Variants in CABIN1 observed in about 807,000 individuals in gnomAD.
The protein encoded by CABIN1 is calcineurin-binding protein cabin-1.
CABIN1 carries 133 observed loss-of-function variants against 227.7 expected under a neutral mutation model. The observed-to-expected ratio is 0.58, with a 90% CI of 0.51 to 0.67. The LOEUF is 0.67. CABIN1 is among the 30% of genes least tolerant of loss of function. The pLI is 0.00. For synonymous variants in CABIN1, 1,086 were observed against 1,155.1 expected (o/e 0.94, Z 1.21); for missense variants, 2,408 against 2,852.5 (o/e 0.84, Z 3.55).
intron 24 of CABIN1, among the ~76,000 whole-genome samples, chr22:24,095,215 C>T (rs937842745): frequency 2.0e-5 from 3 of 152,264 alleles, no homozygotes; most frequent in African/African-American, 7.2e-5. Context: ...CCTCATACCA[C>T]CCACTGTGCC....
intron 19 of CABIN1, among the ~76,000 whole-genome samples, chr22:24,077,896 G>A (rs2040550031): frequency 6.6e-6 from 1 of 152,222 alleles, no homozygotes; most frequent in African/African-American, 2.4e-5. Flanking sequence ...TTCTACTGGA[G>A]CATGAATTCT....
At chr22:24,055,244 C>T in intron 9 of CABIN1, 85 bp downstream of exon 9, 1 of 1,474,228 alleles carries the variant, frequency 6.8e-7, no homozygotes, top group Non-Finnish European at 9.2e-7. Context: ...AGCCCTGCCT[C>T]CCTAGACAGA....
intron 4 of CABIN1, among the ~76,000 whole-genome samples, chr22:24,039,543 T>G (rs901318631): frequency 2.0e-5 from 3 of 152,338 alleles, no homozygotes; most frequent in African/African-American, 7.2e-5. Flanking sequence ...AAAATTAGTT[T>G]ATTCCATGTT....
intron 22 of CABIN1, among the ~76,000 whole-genome samples, chr22:24,086,710 G>A (rs2041192409): frequency 6.6e-6 from 1 of 152,230 alleles, no homozygotes; most frequent in Non-Finnish European, 1.5e-5. Context: ...AGTGCTCAGA[G>A]ATCATCTTAG....
At chr22:24,081,405 G>A (rs952121842) in intron 19 of CABIN1, among the ~76,000 whole-genome samples, 2 of 152,126 alleles carry the variant, frequency 1.3e-5, no homozygotes, top group African/African-American at 4.8e-5. Context: ...TTTCCACTTA[G>A]AGCATAAGGC....
At chr22:24,034,550 A>T (rs775602166) in intron 1 of CABIN1, among the ~76,000 whole-genome samples, 3 of 152,238 alleles carry the variant, frequency 2.0e-5, no homozygotes, top group African/African-American at 4.8e-5. Flanking sequence ...GCTTTTAGAA[A>T]TAATGCCTCT....
At chr22:24,115,327 A>T (rs900509747) in intron 27 of CABIN1, among the ~76,000 whole-genome samples, 1 of 152,126 alleles carries the variant, frequency 6.6e-6, no homozygotes, top group Non-Finnish European at 1.5e-5. Flanking sequence ...TAGACTCATG[A>T]AGAGTGTCCT....
At chr22:24,144,690 G>T (rs2044996791) in intron 29 of CABIN1, among the ~76,000 whole-genome samples, 1 of 152,242 alleles carries the variant, frequency 6.6e-6, no homozygotes, top group Non-Finnish European at 1.5e-5. Context: ...GCACTCTGTT[G>T]CCCCTCCTGC....
chr22:24,117,182 C>A (rs950846007), intron 27 of CABIN1, among the ~76,000 whole-genome samples: 4 of 152,134 alleles, frequency 2.6e-5, no homozygotes, highest in Non-Finnish European at 4.4e-5. Context: ...GCCACCCAGA[C>A]CCCTAGGCAA....
intron 1 of CABIN1, among the ~76,000 whole-genome samples, chr22:24,012,731 G>T (rs1319581704): frequency 6.6e-6 from 1 of 152,176 alleles, no homozygotes; most frequent in African/African-American, 2.4e-5. Context: ...GAAATGAATA[G>T]ATATTTTTCT....
intron 34 of CABIN1, 64 bp downstream of exon 34, chr22:24,172,059 G>A: frequency 3.2e-6 from 5 of 1,554,360 alleles, no homozygotes; most frequent in Non-Finnish European, 3.5e-6. Context: ...CTCCCTGCGG[G>A]GAGAGTGTGA....
At chr22:24,157,726 G>A (rs2045920471) in intron 29 of CABIN1, among the ~76,000 whole-genome samples, 1 of 152,184 alleles carries the variant, frequency 6.6e-6, no homozygotes, top group Admixed American at 6.5e-5. Flanking sequence ...CCCCAGGACT[G>A]TAGAGGATTT....
At chr22:24,153,015 T>C (rs752257276) in intron 29 of CABIN1, among the ~76,000 whole-genome samples, 6 of 151,766 alleles carry the variant, frequency 4.0e-5, no homozygotes, top group Non-Finnish European at 8.8e-5. Flanking sequence ...GGCTATAGGG[T>C]GCCACTGGGG....
intron 29 of CABIN1, among the ~76,000 whole-genome samples, chr22:24,148,048 A>C (rs2045259939): frequency 6.6e-6 from 1 of 152,178 alleles, no homozygotes; most frequent in African/African-American, 2.4e-5. Flanking sequence ...CAGGGACTAC[A>C]AGCACCCCAT....
intron 4 of CABIN1, among the ~76,000 whole-genome samples, chr22:24,038,683 T>A (rs2037120641): frequency 6.6e-6 from 1 of 152,200 alleles, no homozygotes; most frequent in Non-Finnish European, 1.5e-5. Context: ...TGATTCCTGG[T>A]GTAAGTGCTT....
intron 29 of CABIN1, among the ~76,000 whole-genome samples, chr22:24,152,241 C>T (rs1030762625): frequency 6.6e-6 from 1 of 152,228 alleles, no homozygotes; most frequent in African/African-American, 2.4e-5. Context: ...CGTCCTCACT[C>T]ATGGCTCACA....
intron 26 of CABIN1, among the ~76,000 whole-genome samples, chr22:24,103,549 A>G (rs1242416878): frequency 6.6e-6 from 1 of 152,016 alleles, no homozygotes; most frequent in Non-Finnish European, 1.5e-5. Context: ...CTCCCCTCCT[A>G]GGGCTAAGGG....
chr22:24,174,170 C>G (rs1473596225), intron 34 of CABIN1, among the ~76,000 whole-genome samples: 1 of 151,238 alleles, frequency 6.6e-6, no homozygotes, highest in African/African-American at 2.4e-5. Context: ...CTCTGTTGCC[C>G]AGGCTGGAGT....
intron 26 of CABIN1, among the ~76,000 whole-genome samples, chr22:24,111,249 G>A (rs943098989): frequency 1.3e-5 from 2 of 152,290 alleles, no homozygotes; most frequent in East Asian, 1.9e-4. Flanking sequence ...GAACACTTGC[G>A]TTAGCCTACA....
Sources: allele counts gnomAD v4.1 joint callset (sites outside exome capture counted in the v4.1 genomes callset), GRCh38; gene constraint gnomAD v4.1.1; transcripts MANE v1.5; gene names NCBI Gene and HGNC (gene_info 2026-07-23, HGNC 2026-07-21).